IQSEC1: variants seen among roughly 807,000 people sequenced by gnomAD.
IQSEC1 encodes the protein IQ motif and Sec7 domain ArfGEF 1.
IQSEC1 carries 31 observed loss-of-function variants against 91.0 expected under a neutral mutation model. The ratio of observed to expected loss-of-function variants is 0.34; its 90% CI spans 0.26 to 0.46. IQSEC1 has a LOEUF of 0.46. Ranked by LOEUF, IQSEC1 falls within the 20% of genes least tolerant of loss-of-function variation. The pLI is 1.00. For synonymous variants in IQSEC1, 699 were observed against 662.6 expected, an observed-to-expected ratio of 1.05 and a Z score of -0.84; for missense variants, 1,388 against 1,575.6, an observed-to-expected ratio of 0.88 and a Z score of 2.02.
intron 2 of IQSEC1, among the ~76,000 whole-genome samples, chr3:13,120,654 A>T (rs992028516): frequency 1.6e-4 from 25 of 152,232 alleles, no homozygotes; most frequent in African/African-American, 4.8e-4. Flanking sequence ...AGCAATGAGC[A>T]AAGTGATCTG....
Position 12,967,897 on chromosome 3 carries a change from G to C in IQSEC1, c.24-26032C>G, listed in dbSNP as rs1403794003. On this transcript the variant is annotated intron_variant, in intron 1 of 13. Transcript: ENST00000613206. This position sits in a 1 kb window ranked among gnomAD's most constrained non-coding sequence, Gnocchi z 5.9. ...CGCGGAAGAAGCACAGGGGGCGGGG[G>C]GTCAGGGGCGGGGCGTCAGGGGCGG... is the stretch of plus-strand genomic sequence containing the variant. Among the ~76,000 whole-genome samples the C allele has an allele frequency of 2.5e-4, 36 of 145,974 alleles. No individual in the cohort carries two copies. Among genetic ancestry groups the C allele is most frequent in the African/African-American group, 7.0e-4 (26 of 37,236 alleles).
chr3:13,052,881 T>C (rs1439739180), intron 1 of IQSEC1: 4 of 728,590 alleles, frequency 5.5e-6, no homozygotes, highest in African/African-American at 1.7e-5. Context: ...ACTCTCCAGA[T>C]AGTGGTGACA....
At chr3:12,928,792 G>C (rs1285673248) in intron 3 of IQSEC1, among the ~76,000 whole-genome samples, 2 of 152,168 alleles carry the variant, frequency 1.3e-5, no homozygotes, top group African/African-American at 4.8e-5. Flanking sequence ...TCTCCTGGCA[G>C]GACTTTACTT....
chr3:12,943,279 C>A (rs1206312569), intron 1 of IQSEC1, among the ~76,000 whole-genome samples: 1 of 152,180 alleles, frequency 6.6e-6, no homozygotes, highest in Non-Finnish European at 1.5e-5. Flanking sequence ...CTCCAAGCAC[C>A]ATGGGGGAGC....
At position 13,073,262 on chromosome 3, in the gene IQSEC1, C is replaced by T. The variant is rs1271566481; in HGVS notation, c.-248G>A. On this transcript the variant is annotated 5_prime_UTR_variant, in exon 1 of 14. Transcript: ENST00000613206. Reference sequence around the variant, plus strand: ...CGCTCACACCGTGCCCAGGAGCGAGCGAGGACGTCGAGTAACCGTGGTCGC... The same window carrying T: ...CGCTCACACCGTGCCCAGGAGCGAGTGAGGACGTCGAGTAACCGTGGTCGC... 1 of 554,496 alleles carries T rather than the reference C, an allele frequency of 1.8e-6. No homozygotes were observed. The highest frequency in any genetic ancestry group is 3.2e-6 in the Non-Finnish European group (1 of 312,148). The allele number at this position is 554,496 out of a possible 1,614,324, so 34.3% of individuals were successfully genotyped here. A position where few individuals can be genotyped will look rare whatever the true frequency, so the allele number is the denominator to read the frequency against.
chr3:13,281,778 A>G, intron 1 of IQSEC1, among the ~76,000 whole-genome samples: 1 of 152,050 alleles, frequency 6.6e-6, no homozygotes, highest in Non-Finnish European at 1.5e-5. Flanking sequence ...CACTCCCCCA[A>G]CCACACAGTG....
At chr3:13,084,016 G>A (rs1270000690) in intron 2 of IQSEC1, among the ~76,000 whole-genome samples, 2 of 152,216 alleles carry the variant, frequency 1.3e-5, no homozygotes, top group African/African-American at 2.4e-5. Flanking sequence ...GGGGAGGGCG[G>A]AAGGCCATAT....
intron 2 of IQSEC1, among the ~76,000 whole-genome samples, chr3:13,162,191 G>C (rs1044376524): frequency 6.6e-6 from 1 of 152,210 alleles, no homozygotes; most frequent in Non-Finnish European, 1.5e-5. Flanking sequence ...TAAGGGACCC[G>C]CTGCCCACCA....
At position 12,899,493 on chromosome 3, in the gene IQSEC1, C is replaced by T; in HGVS notation, c.*1490G>A. On this transcript the variant is annotated 3_prime_UTR_variant, in exon 14 of 14. Transcript: ENST00000613206. ...AGACCTGCCGCGTGCAGGTCTGGCC[C>T]TGGGGAGCGCATGGTGTCACCACAA... The T allele has an allele frequency of 1.9e-6, 3 of 1,578,636 alleles. No homozygotes were observed. The highest frequency in any genetic ancestry group is 1.7e-6 in the Non-Finnish European group (2 of 1,161,496).
At chr3:13,198,490 G>A (rs1302647485) in intron 1 of IQSEC1, among the ~76,000 whole-genome samples, 5 of 152,016 alleles carry the variant, frequency 3.3e-5, no homozygotes, top group Non-Finnish European at 5.9e-5. Context: ...CAGATTTCAC[G>A]CAGCTCAGCT....
intron 2 of IQSEC1, among the ~76,000 whole-genome samples, chr3:13,158,186 C>T (rs1164951671): frequency 6.6e-6 from 1 of 152,244 alleles, no homozygotes; most frequent in African/African-American, 2.4e-5. Flanking sequence ...ACCTCCAAAA[C>T]ATGGCTGGAT....
chr3:13,204,999 T>C (rs1054486085), intron 1 of IQSEC1, among the ~76,000 whole-genome samples: 8 of 151,910 alleles, frequency 5.3e-5, no homozygotes, highest in African/African-American at 1.9e-4. Context: ...GGTTTCACCA[T>C]GTTAGCCAGG....
At chr3:12,904,519 C>T (rs1006202315) in intron 12 of IQSEC1, among the ~76,000 whole-genome samples, 5 of 152,194 alleles carry the variant, frequency 3.3e-5, no homozygotes, top group East Asian at 1.9e-4. Context: ...CCTTTCTTCC[C>T]TTCCTGCCCA....
chr3:13,069,744 G>A (rs988439746), intron 1 of IQSEC1, among the ~76,000 whole-genome samples: 1 of 152,218 alleles, frequency 6.6e-6, no homozygotes, highest in African/African-American at 2.4e-5. Context: ...ATGCCCATGA[G>A]GACAGAGGGG....
rs189341444 is a variant in IQSEC1 at position 13,119,330 on chromosome 3, C to T, written c.302+44774G>A. Reference sequence around the variant, plus strand: ...TCTGAGGAGCCCAAAGCTGAAGCTTCTTCAGTTGTAAATCTGCTTCTGCCA... The same window carrying T: ...TCTGAGGAGCCCAAAGCTGAAGCTTTTTCAGTTGTAAATCTGCTTCTGCCA... On this transcript the variant is annotated intron_variant, in intron 2 of 15. Transcript: ENST00000648114. Among the ~76,000 whole-genome samples the T allele has an allele frequency of 6.6e-5, 10 of 152,298 alleles. No homozygotes were observed. The East Asian group carries it at 1.9e-3, about 29-fold the overall frequency.
chr3:13,270,050 A>T (rs1213417002), intron 1 of IQSEC1, among the ~76,000 whole-genome samples: 1 of 152,214 alleles, frequency 6.6e-6, no homozygotes, highest in African/African-American at 2.4e-5. Context: ...TGGCAGTCTC[A>T]GCTGAGCCCA....
chr3:13,258,827 C>T (rs930623511), intron 1 of IQSEC1, among the ~76,000 whole-genome samples: 1 of 152,210 alleles, frequency 6.6e-6, no homozygotes, highest in Non-Finnish European at 1.5e-5. Flanking sequence ...CCCCCCTCCC[C>T]ACCCCACAGG....
chr3:13,140,918 G>T (rs1166431328), intron 2 of IQSEC1, among the ~76,000 whole-genome samples: 9 of 152,196 alleles, frequency 5.9e-5, no homozygotes, highest in Non-Finnish European at 2.9e-5. Flanking sequence ...GTGTCATAGT[G>T]TGCGCCTGTG....
chr3:13,178,518 G>A (rs1693779247), intron 1 of IQSEC1, among the ~76,000 whole-genome samples: 1 of 152,208 alleles, frequency 6.6e-6, no homozygotes, highest in African/African-American at 2.4e-5. Context: ...CTGAGATCAG[G>A]TGCCCTTACA....
Sources: gnomAD v4.1 joint callset for allele counts (sites outside exome capture counted in the v4.1 genomes callset) on GRCh38, gnomAD v4.1.1 for gene constraint, Gnocchi (gnomAD v3.1) non-coding constraint, MANE v1.5 for transcripts, NCBI Gene and HGNC (gene_info 2026-07-23, HGNC 2026-07-21) for gene names.